The following INTS9 variants were observed in gnomAD, a reference collection of about 807,000 sequenced individuals.
INTS9 encodes protein related to CPSF subunits of 74 kDa.
In INTS9, 55 loss-of-function variants were observed where a neutral mutation model predicts 79.7. The ratio of observed to expected loss-of-function variants is 0.69; its 90% CI spans 0.56 to 0.86. INTS9 has a LOEUF of 0.86. INTS9 is among the 40% of genes least tolerant of loss of function. The pLI is 0.00. For missense variants in INTS9, 721 were observed against 831.5 expected, an observed-to-expected ratio of 0.87 and a Z score of 1.64; for synonymous variants, 319 against 325.2, an observed-to-expected ratio of 0.98 and a Z score of 0.20.
chr8:28,809,870 T>C (rs1421159768), intron 8 of INTS9, among the ~76,000 whole-genome samples: 1 of 152,136 alleles, frequency 6.6e-6, no homozygotes, highest in Non-Finnish European at 1.5e-5. Flanking sequence ...AACTTGGCTA[T>C]AAAAGAAGGT....
At chr8:28,888,574 G>C (rs1810307591) in intron 1 of INTS9, among the ~76,000 whole-genome samples, 2 of 152,104 alleles carry the variant, frequency 1.3e-5, no homozygotes, top group Non-Finnish European at 2.9e-5. Flanking sequence ...TAATAACTTT[G>C]GTTTACTTTT....
intron 13 of INTS9, among the ~76,000 whole-genome samples, chr8:28,777,092 C>A (rs971490758): frequency 3.3e-5 from 5 of 152,246 alleles, no homozygotes; most frequent in Non-Finnish European, 4.4e-5. Context: ...GTTTCCTGTT[C>A]CCCTGCCTTA....
intron 1 of INTS9, among the ~76,000 whole-genome samples, chr8:28,876,222 A>G (rs1271978094): frequency 6.6e-6 from 1 of 152,210 alleles, no homozygotes; most frequent in Non-Finnish European, 1.5e-5. Flanking sequence ...TTTTAAGGTC[A>G]TAGAAATCTA....
intron 4 of INTS9, among the ~76,000 whole-genome samples, chr8:28,840,620 T>G (rs1270313406): frequency 4.3e-5 from 6 of 139,102 alleles, no homozygotes; most frequent in East Asian, 2.2e-4. Flanking sequence ...CCATAAAAAA[T>G]GATGAGTTCA....
At chr8:28,845,074 A>AT (rs1807427357) in intron 4 of INTS9, among the ~76,000 whole-genome samples, 1 of 152,232 alleles carries the variant, frequency 6.6e-6, no homozygotes, top group Non-Finnish European at 1.5e-5. Flanking sequence ...ATTTACTTAC[A>AT]TATGTTCACT....
chr8:28,834,693 T>G (rs1806696742), intron 6 of INTS9, among the ~76,000 whole-genome samples: 1 of 144,316 alleles, frequency 6.9e-6, no homozygotes, highest in Non-Finnish European at 1.5e-5. Flanking sequence ...TTTTTTTTTT[T>G]GAGACAGAGT....
At chr8:28,826,299 A>G (rs1806136331) in intron 6 of INTS9, among the ~76,000 whole-genome samples, 3 of 152,192 alleles carry the variant, frequency 2.0e-5, no homozygotes, top group Non-Finnish European at 4.4e-5. Flanking sequence ...AAAGAAAAAA[A>G]GTTCAGTTGC....
intron 1 of INTS9, among the ~76,000 whole-genome samples, chr8:28,867,785 T>C (rs1412969273): frequency 1.3e-5 from 2 of 152,054 alleles, no homozygotes; most frequent in Non-Finnish European, 2.9e-5. Flanking sequence ...TCTAGTCTTG[T>C]TTAAAGTAAT....
intron 10 of INTS9, among the ~76,000 whole-genome samples, chr8:28,788,150 T>G (rs1803719995): frequency 1.3e-5 from 2 of 152,220 alleles, no homozygotes; most frequent in African/African-American, 4.8e-5. Flanking sequence ...AAAGAAAAGC[T>G]GCAAAGACAG....
chr8:28,861,585 A>G (rs1808462529), intron 1 of INTS9, among the ~76,000 whole-genome samples: 1 of 152,214 alleles, frequency 6.6e-6, no homozygotes, highest in African/African-American at 2.4e-5. Context: ...CTTTTACTAC[A>G]TTTTTATAAT....
intron 14 of INTS9, among the ~76,000 whole-genome samples, chr8:28,773,524 C>T (rs1357039922): frequency 6.7e-6 from 1 of 150,022 alleles, no homozygotes; most frequent in Admixed American, 6.6e-5. Context: ...GACCATTATG[C>T]AACCATTAAA....
intron 11 of INTS9, among the ~76,000 whole-genome samples, chr8:28,784,740 G>A (rs1442025281): frequency 6.6e-6 from 1 of 152,142 alleles, no homozygotes; most frequent in Admixed American, 6.5e-5. Context: ...ATGAGTGTGG[G>A]GAGATAATCG....
At chr8:28,806,884 C>T (rs962124110) in intron 8 of INTS9, among the ~76,000 whole-genome samples, 4 of 151,982 alleles carry the variant, frequency 2.6e-5, no homozygotes, top group Admixed American at 6.6e-5. Context: ...ACTAAGAAAC[C>T]GGTTGCTTTA....
At chr8:28,867,685 G>A (rs1808835955) in intron 1 of INTS9, among the ~76,000 whole-genome samples, 1 of 149,530 alleles carries the variant, frequency 6.7e-6, no homozygotes, top group South Asian at 2.1e-4. Context: ...ACGACAAATT[G>A]AATTTTAGTG....
At chr8:28,815,405 A>C (rs1007078491) in intron 6 of INTS9, among the ~76,000 whole-genome samples, 4 of 152,212 alleles carry the variant, frequency 2.6e-5, no homozygotes, top group African/African-American at 9.6e-5. Context: ...GAAATAAAAG[A>C]AAACATCATT....
chr8:28,854,270 T>G (rs1306731811), intron 2 of INTS9, among the ~76,000 whole-genome samples: 1 of 152,168 alleles, frequency 6.6e-6, no homozygotes, highest in Non-Finnish European at 1.5e-5. Flanking sequence ...TTAACAAGCT[T>G]AATACTCAGT....
intron 14 of INTS9, among the ~76,000 whole-genome samples, chr8:28,774,735 A>G (rs1802768361): frequency 6.6e-6 from 1 of 152,100 alleles, no homozygotes; most frequent in South Asian, 2.1e-4. Flanking sequence ...ATAAGTTTTT[A>G]TATTTCTTTT....
chr8:28,811,422 CCT>C (rs200232416), intron 8 of INTS9, among the ~76,000 whole-genome samples: 407 of 143,446 alleles, frequency 2.8e-3, no homozygotes, highest in Non-Finnish European at 4.3e-3. Flanking sequence ...CCATACCCGG[CCT>C]TTTTTTTTTT....
intron 8 of INTS9, chr8:28,799,358 A>G (rs745877575): frequency 6.6e-6 from 1 of 152,242 alleles, no homozygotes; most frequent in Non-Finnish European, 1.5e-5. Flanking sequence ...AACCTTGGCC[A>G]TTAGCATCTT....
Sources: allele counts gnomAD v4.1 joint callset (sites outside exome capture counted in the v4.1 genomes callset), GRCh38; gene constraint gnomAD v4.1.1; transcripts MANE v1.5; gene names NCBI Gene and HGNC (gene_info 2026-07-23, HGNC 2026-07-21).